GPC5: variants seen among roughly 807,000 people sequenced by gnomAD.
GPC5 encodes the protein glypican-5.
A neutral mutation model predicts 53.9 loss-of-function variants in GPC5; 47 were observed. The observed-to-expected ratio is 0.87, with a 90% CI of 0.69 to 1.11. The LOEUF is 1.11. Among genes scored for constraint, GPC5 ranks in the 50% most tolerant of loss-of-function variants. GPC5 has a pLI of 0.00. For synonymous variants in GPC5, 286 were observed against 263.3 expected, an observed-to-expected ratio of 1.09 and a Z score of -0.84; for missense variants, 748 against 713.1, an observed-to-expected ratio of 1.05 and a Z score of -0.56.
intron 7 of GPC5, among the ~76,000 whole-genome samples, chr13:92,783,523 C>T (rs1876105036): frequency 6.6e-6 from 1 of 152,138 alleles, no homozygotes; most frequent in Non-Finnish European, 1.5e-5. Context: ...TTTGATTGTT[C>T]AGGCTTCAGG....
chr13:92,164,667 G>A (rs1223298440), intron 7 of GPC5, among the ~76,000 whole-genome samples: 22 of 152,172 alleles, frequency 1.4e-4, no homozygotes, highest in Admixed American at 1.4e-3. Flanking sequence ...CTGGGGTCTG[G>A]AGGATGGTGG....
At chr13:92,832,342 A>G (rs1878074616) in intron 7 of GPC5, among the ~76,000 whole-genome samples, 1 of 152,236 alleles carries the variant, frequency 6.6e-6, no homozygotes, top group African/African-American at 2.4e-5. Context: ...GCATCCATAA[A>G]GATGGAAGAA....
chr13:92,124,100 C>T (rs2041673403), intron 6 of GPC5, among the ~76,000 whole-genome samples: 1 of 150,334 alleles, frequency 6.7e-6, no homozygotes, highest in Admixed American at 6.6e-5. Flanking sequence ...TATAAATAAC[C>T]ATCCTTACTA....
At chr13:92,108,547 A>G (rs1324815500) in intron 6 of GPC5, among the ~76,000 whole-genome samples, 1 of 152,122 alleles carries the variant, frequency 6.6e-6, no homozygotes, top group Non-Finnish European at 1.5e-5. Context: ...TTCTACAATC[A>G]CTGTCTTTGC....
At chr13:92,411,532 T>C (rs1876043354) in intron 7 of GPC5, among the ~76,000 whole-genome samples, 1 of 152,208 alleles carries the variant, frequency 6.6e-6, no homozygotes, top group African/African-American at 2.4e-5. Context: ...GTAAATGACT[T>C]GGACCTTATG....
At chr13:92,632,408 T>C (rs11840143) in intron 7 of GPC5, among the ~76,000 whole-genome samples, 57,473 of 148,218 alleles carry the variant, frequency 0.39, 11,993 homozygotes, top group Non-Finnish European at 0.45. Context: ...AACGTGCAAG[T>C]TATTTCTAAC....
At chr13:92,121,558 G>A (rs2041649393) in intron 6 of GPC5, among the ~76,000 whole-genome samples, 1 of 152,176 alleles carries the variant, frequency 6.6e-6, no homozygotes, top group East Asian at 1.9e-4. Context: ...GACCCCCATA[G>A]CTGTTCCCAT....
chr13:91,681,632 G>A (rs1050702809), intron 2 of GPC5, among the ~76,000 whole-genome samples: 6 of 152,096 alleles, frequency 3.9e-5, no homozygotes, highest in African/African-American at 1.4e-4. Flanking sequence ...GGGAAAGAGT[G>A]GTAGAAGAGC....
intron 7 of GPC5, among the ~76,000 whole-genome samples, chr13:92,614,496 A>G (rs1272742237): frequency 2.6e-5 from 4 of 152,204 alleles, no homozygotes; most frequent in African/African-American, 9.7e-5. Flanking sequence ...AAAAGTCAAA[A>G]AATCCTAATT....
At chr13:92,736,754 A>C (rs916327526) in intron 7 of GPC5, among the ~76,000 whole-genome samples, 3 of 151,638 alleles carry the variant, frequency 2.0e-5, no homozygotes, top group Admixed American at 2.0e-4. Context: ...CCAGAATTTC[A>C]TTTAAATGAG....
At chr13:92,635,257 T>C (rs1172927371) in intron 7 of GPC5, among the ~76,000 whole-genome samples, 1 of 152,192 alleles carries the variant, frequency 6.6e-6, no homozygotes, top group Non-Finnish European at 1.5e-5. Flanking sequence ...TAAGTTTATC[T>C]TGGTTCCCTC....
intron 7 of GPC5, among the ~76,000 whole-genome samples, chr13:92,528,878 T>C (rs1012163196): frequency 6.6e-6 from 1 of 151,998 alleles, no homozygotes; most frequent in Non-Finnish European, 1.5e-5. Flanking sequence ...TTGAAATAAA[T>C]AGGCACTTAT....
intron 7 of GPC5, chr13:92,241,685 T>C (rs2042612608): frequency 6.6e-6 from 1 of 152,216 alleles, no homozygotes; most frequent in Non-Finnish European, 1.5e-5. Flanking sequence ...TTTGATATTG[T>C]CACCTTTCAG....
At chr13:92,790,127 G>A (rs536416787) in intron 7 of GPC5, among the ~76,000 whole-genome samples, 21 of 152,208 alleles carry the variant, frequency 1.4e-4, no homozygotes, top group African/African-American at 5.1e-4. Context: ...ATTTGATGGT[G>A]CCCACCCAGA....
intron 1 of GPC5, among the ~76,000 whole-genome samples, chr13:91,436,388 C>G (rs1879961164): frequency 1.3e-5 from 2 of 151,802 alleles, no homozygotes. Context: ...TATGTTGTGT[C>G]TTTGTTCTCG....
rs189400472 is a variant in GPC5, at chr13:92,567,014, A to C, written c.1562-299268A>C. On this transcript the variant is annotated intron_variant, in intron 7 of 7. Coordinates refer to ENST00000377067, the MANE Select transcript of GPC5 (RefSeq NM_004466.6). ...TGGTATATTAGCAAAACTTTCAGGG[A>C]GTCTTTGATGCCATCTACAAAGACA... is the stretch of plus-strand genomic sequence containing the variant. Among the ~76,000 whole-genome samples, 192 of 152,206 alleles carry C rather than the reference A, an allele frequency of 1.3e-3. 1 individual carries two copies. Among genetic ancestry groups the C allele is most frequent in the African/African-American group, 4.5e-3 (187 of 41,550 alleles).
intron 6 of GPC5, among the ~76,000 whole-genome samples, chr13:91,916,106 T>G (rs939433110): frequency 6.6e-6 from 1 of 152,194 alleles, no homozygotes. Flanking sequence ...ACTTAATATC[T>G]TAAGCGTCAA....
intron 2 of GPC5, among the ~76,000 whole-genome samples, chr13:91,606,602 G>T (rs1163966157): frequency 6.7e-6 from 1 of 149,004 alleles, no homozygotes; most frequent in East Asian, 2.0e-4. Flanking sequence ...TTTTTGATTG[G>T]TAAGCTATTG....
intron 7 of GPC5, among the ~76,000 whole-genome samples, chr13:92,522,088 G>T (rs1244952356): frequency 3.3e-5 from 5 of 152,172 alleles, no homozygotes; most frequent in African/African-American, 4.8e-5. Flanking sequence ...ACACCAGTTA[G>T]AATGGCGATC....
Sources: gnomAD v4.1 joint callset for allele counts (sites outside exome capture counted in the v4.1 genomes callset) on GRCh38, gnomAD v4.1.1 for gene constraint, MANE v1.5 for transcripts, NCBI Gene and HGNC (gene_info 2026-07-23, HGNC 2026-07-21) for gene names.